Variants in KLHL8 observed in about 807,000 individuals in gnomAD.
KLHL8 encodes the protein kelch-like protein 8.
A neutral mutation model predicts 63.5 loss-of-function variants in KLHL8; 38 were observed. The observed-to-expected ratio is 0.60, with a 90% CI of 0.46 to 0.78. The LOEUF (loss-of-function observed/expected upper bound fraction) is 0.78. Among genes scored for constraint, KLHL8 ranks in the 30% least tolerant of loss-of-function variants. KLHL8 has a pLI of 0.00. For synonymous variants in KLHL8, 224 were observed against 254.3 expected, an observed-to-expected ratio of 0.88 and a Z score of 1.13; for missense variants, 566 against 752.4, an observed-to-expected ratio of 0.75 and a Z score of 2.90.
chr4:87,167,019 C>A, intron 8 of KLHL8: 1 of 211,202 alleles, frequency 4.7e-6, no homozygotes, highest in Non-Finnish European at 9.5e-6. Context: ...GGCAGTTGGT[C>A]AGTATCCAGA....
At chr4:87,200,982 T>C (rs995256787) in intron 1 of KLHL8, among the ~76,000 whole-genome samples, 3 of 152,184 alleles carry the variant, frequency 2.0e-5, no homozygotes, top group Non-Finnish European at 4.4e-5. Context: ...AATCCTGTCA[T>C]ATGCTACAAC....
intron 1 of KLHL8, among the ~76,000 whole-genome samples, chr4:87,217,024 T>C (rs1732621856): frequency 6.6e-6 from 1 of 151,882 alleles, no homozygotes; most frequent in Admixed American, 6.6e-5. Context: ...GGGATTCTAA[T>C]AGAGAATTGT....
intron 1 of KLHL8, among the ~76,000 whole-genome samples, chr4:87,206,687 T>C (rs1344086058): frequency 1.3e-5 from 2 of 152,216 alleles, no homozygotes; most frequent in Non-Finnish European, 2.9e-5. Context: ...TTTCCTCAAA[T>C]GTATTTGCAA....
chr4:87,201,740 A>G (rs1731926270), intron 1 of KLHL8, among the ~76,000 whole-genome samples: 1 of 152,234 alleles, frequency 6.6e-6, no homozygotes, highest in South Asian at 2.1e-4. Flanking sequence ...AAACTCTCCA[A>G]ATGCTTACAA....
chr4:87,172,328 G>C (rs1730666501), intron 6 of KLHL8, among the ~76,000 whole-genome samples: 2 of 152,154 alleles, frequency 1.3e-5, no homozygotes, highest in South Asian at 4.1e-4. Context: ...CCTGGAAGTG[G>C]CTTCTTCCCC....
At chr4:87,218,346 C>G (rs2110057508) in intron 1 of KLHL8, among the ~76,000 whole-genome samples, 1 of 151,646 alleles carries the variant, frequency 6.6e-6, no homozygotes, top group South Asian at 2.1e-4. Flanking sequence ...ATTCTCGTGT[C>G]TCTGGGACTA....
chr4:87,167,127 C>T (rs1246274565), intron 8 of KLHL8: 5 of 463,436 alleles, frequency 1.1e-5, no homozygotes, highest in East Asian at 5.0e-5. Context: ...ATTCGGGAAA[C>T]GTTATTTTAT....
intron 6 of KLHL8, among the ~76,000 whole-genome samples, chr4:87,173,584 G>A (rs961880356): frequency 6.6e-6 from 1 of 152,156 alleles, no homozygotes; most frequent in Non-Finnish European, 1.5e-5. Context: ...ATGCCAAAAA[G>A]ATGATTTGGG....
intron 2 of KLHL8, among the ~76,000 whole-genome samples, chr4:87,190,234 T>G (rs941982951): frequency 6.6e-6 from 1 of 152,204 alleles, no homozygotes; most frequent in African/African-American, 2.4e-5. Flanking sequence ...TTCATTACTA[T>G]TTCAATGTTG....
intron 2 of KLHL8, among the ~76,000 whole-genome samples, chr4:87,192,553 GCAA>G (rs1043763241): frequency 2.5e-4 from 38 of 152,284 alleles, no homozygotes; most frequent in African/African-American, 7.9e-4. Flanking sequence ...TTATATCCCA[GCAA>G]CAACAAGCTA....
chr4:87,226,707 A>AAT (rs1330053735), intron 1 of KLHL8, among the ~76,000 whole-genome samples: 3 of 7,618 alleles, frequency 3.9e-4, no homozygotes, highest in East Asian at 2.5e-3. Context: ...ATTTATATAT[A>AAT]ATATATATTA....
In KLHL8 at chr4:87,170,452, G is replaced by C. The variant is rs1356978287; in HGVS notation, c.1372C>G (p.Leu458Val). The C allele has an allele frequency of 1.3e-6, 2 of 1,598,370 alleles. No homozygotes were observed. The highest frequency in any genetic ancestry group is 2.2e-5 in the East Asian group (1 of 44,820). ...TPRGGVGSVA[L>V]VNHVYAVGGN... ...CAAGTTGCCATATAACTTACTACTAGAGCAACAGAGCCAACTCCTCCACGG... is the reference window on the plus strand; with the variant it reads ...CAAGTTGCCATATAACTTACTACTACAGCAACAGAGCCAACTCCTCCACGG... The change falls in exon 7 of 10, where the codon CTA becomes GTA. Residue 458 changes from leucine to valine, a missense_variant. Physicochemically the swap from Leu to Val is conservative, Grantham distance 32 (BLOSUM62 1). Coordinates refer to ENST00000273963, the MANE Select transcript of KLHL8 (RefSeq NM_020803.5).
chr4:87,235,296 T>C (rs1036031062), intron 1 of KLHL8, among the ~76,000 whole-genome samples: 2 of 152,198 alleles, frequency 1.3e-5, no homozygotes, highest in African/African-American at 4.8e-5. Flanking sequence ...GTATTTTTAG[T>C]GTACCTTTCC....
chr4:87,185,944 C>CA lies in KLHL8; in HGVS notation c.217-146dup, dbSNP rs1731236834. ...AGGCGATCCTTTGATCACTTACTTT[C>CA]AAGTAGGCCAGTTTCTTAAAGTCAG... On this transcript the variant is annotated intron_variant, in intron 2 of 9. Coordinates refer to ENST00000273963, the MANE Select transcript of KLHL8 (RefSeq NM_020803.5). 4.5e-6 allele frequency: 3 copies of CA among 664,844 alleles called. No individual in the cohort carries two copies. The South Asian group carries it at 6.4e-5, about 14-fold the overall frequency. 41.2% of individuals were successfully genotyped at this position (664,844 alleles called of 1,614,324 possible).
intron 5 of KLHL8, among the ~76,000 whole-genome samples, 162 bp downstream of exon 5, chr4:87,178,315 C>G (rs1355112019): frequency 6.6e-6 from 1 of 152,082 alleles, no homozygotes; most frequent in Non-Finnish European, 1.5e-5. Context: ...GCACACTGAG[C>G]ATCTGTGGGC....
intron 5 of KLHL8, 124 bp from the exon 6 acceptor site, chr4:87,176,992 T>C: frequency 1.9e-6 from 1 of 533,934 alleles, no homozygotes; most frequent in East Asian, 3.2e-5. Flanking sequence ...ATTGCTGTTC[T>C]GTTCAACATT....
intron 1 of KLHL8, among the ~76,000 whole-genome samples, chr4:87,216,625 T>A (rs1732606151): frequency 6.6e-6 from 1 of 152,156 alleles, no homozygotes; most frequent in African/African-American, 2.4e-5. Flanking sequence ...AGAGATGAAG[T>A]AGAAAATTTC....
At chr4:87,208,069 G>A in intron 1 of KLHL8, 1 of 583,248 alleles carries the variant, frequency 1.7e-6, no homozygotes, top group East Asian at 3.7e-5. Flanking sequence ...GGACCTCATG[G>A]CCCACATGGC....
intron 5 of KLHL8, among the ~76,000 whole-genome samples, 157 bp from the exon 6 acceptor site, chr4:87,177,025 T>C (rs982429819): frequency 3.3e-5 from 5 of 152,180 alleles, no homozygotes; most frequent in Non-Finnish European, 5.9e-5. Flanking sequence ...ATTTCAGTAG[T>C]TGAATGAAAA....
Sources: gnomAD v4.1 joint callset for allele counts (sites outside exome capture counted in the v4.1 genomes callset) on GRCh38, gnomAD v4.1.1 for gene constraint, MANE v1.5 for transcripts, NCBI Gene and HGNC (gene_info 2026-07-23, HGNC 2026-07-21) for gene names.